The following TMEM117 variants were observed in gnomAD, a reference collection of about 807,000 sequenced individuals.
TMEM117 encodes transmembrane protein 117.
Under a neutral mutation model 52.4 loss-of-function variants are expected in TMEM117, and 27 were observed. That is an observed-to-expected ratio of 0.51 (90% confidence interval 0.38 to 0.71). TMEM117 has a LOEUF of 0.71. Ranked by LOEUF, TMEM117 falls within the 30% of genes least tolerant of loss-of-function variation. The pLI, the probability that TMEM117 is intolerant of heterozygous loss-of-function variation, is 0.00. For synonymous variants in TMEM117, 215 were observed against 206.3 expected (o/e 1.04, Z -0.36); for missense variants, 556 against 630.5 (o/e 0.88, Z 1.26).
chr12:44,245,024 T>C (rs1950111599), intron 5 of TMEM117, among the ~76,000 whole-genome samples: 1 of 152,090 alleles, frequency 6.6e-6, no homozygotes, highest in African/African-American at 2.4e-5. Flanking sequence ...ATTCCTAGGC[T>C]GTCTGTTCTG....
chr12:44,285,274 G>A (rs993935988), intron 5 of TMEM117, among the ~76,000 whole-genome samples: 1 of 152,026 alleles, frequency 6.6e-6, no homozygotes, highest in Non-Finnish European at 1.5e-5. Context: ...TTCTTTTCTT[G>A]TTGAAGTAAA....
intron 3 of TMEM117, among the ~76,000 whole-genome samples, chr12:43,994,597 T>C (rs7303909): frequency 0.1 from 15,424 of 152,048 alleles, 1,283 homozygotes; most frequent in African/African-American, 0.22. Flanking sequence ...TTATTAGCAA[T>C]AGTTACATGG....
At chr12:43,914,190 G>T (rs1944562010) in intron 2 of TMEM117, among the ~76,000 whole-genome samples, 1 of 152,098 alleles carries the variant, frequency 6.6e-6, no homozygotes, top group Non-Finnish European at 1.5e-5. Flanking sequence ...TTCGGGAGGG[G>T]ATGTGCTTGA....
intron 7 of TMEM117, among the ~76,000 whole-genome samples, chr12:44,385,038 C>G (rs1952070587): frequency 6.6e-6 from 1 of 152,124 alleles, no homozygotes; most frequent in Non-Finnish European, 1.5e-5. Context: ...TGGAAGGCAT[C>G]TAGTTCAGTT....
At chr12:44,286,200 T>G (rs1472366276) in intron 5 of TMEM117, among the ~76,000 whole-genome samples, 1 of 151,852 alleles carries the variant, frequency 6.6e-6, no homozygotes, top group African/African-American at 2.4e-5. Flanking sequence ...TCCTTTAAGA[T>G]TTTATAATAA....
At chr12:43,972,732 A>G (rs534249281) in intron 3 of TMEM117, among the ~76,000 whole-genome samples, 33 of 152,210 alleles carry the variant, frequency 2.2e-4, no homozygotes, top group Non-Finnish European at 4.1e-4. Flanking sequence ...CTAGCTACAG[A>G]GCGCTGATGG....
At chr12:44,174,446 C>G (rs192838527) in intron 4 of TMEM117, among the ~76,000 whole-genome samples, 15 of 152,144 alleles carry the variant, frequency 9.9e-5, no homozygotes, top group African/African-American at 2.9e-4. Context: ...GCTCACTATA[C>G]TTAACTATTT....
intron 4 of TMEM117, among the ~76,000 whole-genome samples, chr12:44,209,424 A>G (rs1949616322): frequency 6.6e-6 from 1 of 152,068 alleles, no homozygotes; most frequent in Non-Finnish European, 1.5e-5. Context: ...TCAAGAAGAA[A>G]ATAAACAGTT....
At chr12:44,215,117 G>A (rs1055282639) in intron 5 of TMEM117, among the ~76,000 whole-genome samples, 6 of 152,182 alleles carry the variant, frequency 3.9e-5, no homozygotes, top group Non-Finnish European at 8.8e-5. Flanking sequence ...AAAATGTATG[G>A]TGGAGAAAAA....
intron 4 of TMEM117, among the ~76,000 whole-genome samples, chr12:44,158,293 A>C (rs896967055): frequency 1.3e-5 from 2 of 152,196 alleles, no homozygotes; most frequent in Non-Finnish European, 2.9e-5. Flanking sequence ...ACAACAAAAG[A>C]ATTCAATAGT....
At chr12:43,804,714 G>T in the TMEM117 span, 24 of 532,378 alleles carry the variant, frequency 4.5e-5, no homozygotes, top group Non-Finnish European at 7.7e-5. Context: ...AAACTTTACC[G>T]CATAAAATAA....
At chr12:43,835,571 C>T (rs1292870115), upstream of TMEM117, among the ~76,000 whole-genome samples, 1 of 152,134 alleles carries the variant, frequency 6.6e-6, no homozygotes, top group Non-Finnish European at 1.5e-5. Flanking sequence ...CCCACCCCCA[C>T]ATCCCCACAC....
At chr12:44,384,606 AT>A (rs1555161177) in intron 7 of TMEM117, among the ~76,000 whole-genome samples, 1 of 152,206 alleles carries the variant, frequency 6.6e-6, no homozygotes, top group Non-Finnish European at 1.5e-5. Context: ...GCATATTTAC[AT>A]AGAGCCACAC....
chr12:44,097,711 G>A (rs190543639), intron 3 of TMEM117, among the ~76,000 whole-genome samples: 1 of 134,578 alleles, frequency 7.4e-6, no homozygotes, highest in South Asian at 2.3e-4. Context: ...TCTGTGGACT[G>A]TTGTGGGGTG....
At chr12:43,915,091 T>A (rs1347683100) in intron 2 of TMEM117, among the ~76,000 whole-genome samples, 6 of 152,152 alleles carry the variant, frequency 3.9e-5, no homozygotes, top group African/African-American at 1.4e-4. Flanking sequence ...CGATTTCTTC[T>A]TTGCTTCCAC....
intron 3 of TMEM117, among the ~76,000 whole-genome samples, chr12:43,978,482 G>A (rs922776296): frequency 6.6e-6 from 1 of 151,698 alleles, no homozygotes; most frequent in Non-Finnish European, 1.5e-5. Context: ...AACGAGTGAG[G>A]GAATTATGTG....
intron 3 of TMEM117, among the ~76,000 whole-genome samples, chr12:44,081,628 T>A (rs1451158132): frequency 2.0e-5 from 3 of 152,170 alleles, no homozygotes; most frequent in Non-Finnish European, 4.4e-5. Flanking sequence ...GGTAGAGTCT[T>A]AAGTTCTGAG....
chr12:44,165,200 A>G (rs1948949939), intron 4 of TMEM117, among the ~76,000 whole-genome samples: 2 of 152,176 alleles, frequency 1.3e-5, no homozygotes, highest in Admixed American at 1.3e-4. Context: ...AAAAGTTTAA[A>G]AACTCACTGA....
the TMEM117 span, among the ~76,000 whole-genome samples, chr12:43,811,276 A>T: frequency 6.6e-6 from 1 of 151,522 alleles, no homozygotes; most frequent in Admixed American, 6.6e-5. Flanking sequence ...TCCCTTCCCC[A>T]CCTCCTCCTG....
Sources: allele counts gnomAD v4.1 joint callset (sites outside exome capture counted in the v4.1 genomes callset), GRCh38; gene constraint gnomAD v4.1.1; transcripts MANE v1.5; gene names NCBI Gene and HGNC (gene_info 2026-07-23, HGNC 2026-07-21).